The following RPS6KB1 variants were observed in gnomAD, a reference collection of about 807,000 sequenced individuals.
The protein encoded by RPS6KB1 is ribosomal protein S6 kinase beta-1.
RPS6KB1 carries 12 observed loss-of-function variants against 70.2 expected under a neutral mutation model. That is an observed-to-expected ratio of 0.17 (90% CI 0.11 to 0.28). The LOEUF is 0.28. Ranked by LOEUF, RPS6KB1 falls within the 10% of genes least tolerant of loss-of-function variation. RPS6KB1 has a pLI of 1.00. For synonymous variants in RPS6KB1, 175 were observed against 211.2 expected, an observed-to-expected ratio of 0.83 and a Z score of 1.49; for missense variants, 270 against 646.6, an observed-to-expected ratio of 0.42 and a Z score of 6.32.
chr17:59,914,826 C>G (rs2042845717), intron 4 of RPS6KB1, 123 bp downstream of exon 4: 2 of 800,774 alleles, frequency 2.5e-6, no homozygotes, highest in Non-Finnish European at 4.0e-6. Flanking sequence ...CTAAAATTTG[C>G]AGTCAAAAAA....
intron 4 of RPS6KB1, among the ~76,000 whole-genome samples, chr17:59,920,829 G>T (rs1003054609): frequency 1.3e-5 from 2 of 152,168 alleles, no homozygotes; most frequent in Non-Finnish European, 2.9e-5. Context: ...CTCCCAAATA[G>T]CTGGGACTAC....
chr17:59,928,123 A>G lies in RPS6KB1; in HGVS notation c.529+1541A>G, dbSNP rs76194416. Among the ~76,000 whole-genome samples, 1,325 of 151,372 alleles carry G rather than the reference A, an allele frequency of 8.8e-3. 20 individuals carry two copies. The highest frequency in any genetic ancestry group is 0.031 in the African/African-American group (1,262 of 41,156). ...TGGTGAGCTGAGATCGCGCCAGTAC[A>G]CTGCAACCTGGGCAACAGAGCAAGA... On this transcript the variant is annotated intron_variant, in intron 5 of 14. Transcript: ENST00000225577.
chr17:59,943,873 C>CAA (rs61529575), intron 13 of RPS6KB1, among the ~76,000 whole-genome samples: 1 of 99,232 alleles, frequency 1.0e-5, no homozygotes, highest in African/African-American at 3.8e-5. Flanking sequence ...GAATCCATCT[C>CAA]AAAAAAAAAA....
At position 59,948,588 on chromosome 17, in the gene RPS6KB1, G is replaced by A. The variant is rs2045054615; in HGVS notation, c.*1800G>A. 6.6e-6 allele frequency: 1 copy of A among 152,352 alleles called. No homozygotes were observed. Among genetic ancestry groups the A allele is most frequent in the African/African-American group, 2.4e-5 (1 of 41,366 alleles). 9.4% of individuals were successfully genotyped at this position (152,352 alleles called of 1,614,324 possible). The stretch of plus-strand genomic sequence containing the variant: ...AAAAACAGAACCATGAAAAATGATT[G>A]GACATACACCTTTTCAATTGTGGCA... On this transcript the variant is annotated 3_prime_UTR_variant, in exon 15 of 15. Transcript: ENST00000225577.
In RPS6KB1 at chr17:59,905,508, A is replaced by AT. The variant is rs796408273; in HGVS notation, c.142-5041dup. On this transcript the variant is annotated intron_variant, in intron 1 of 14. Coordinates refer to ENST00000225577, the MANE Select transcript of RPS6KB1 (RefSeq NM_003161.4). The stretch of plus-strand genomic sequence containing the variant: ...TATTTTGTTGTTAAGTTTTGGGAGG[A>AT]TTTTTTTTTTTTTGAGACGGAGTTT... 2.0e-3 allele frequency among the ~76,000 whole-genome samples: 277 copies of AT among 141,114 alleles called. 1 individual carries two copies. The highest frequency in any genetic ancestry group is 3.8e-3 in the Middle Eastern group (1 of 266). 92.6% of individuals were successfully genotyped at this position (141,114 alleles called of 152,430 possible). A position where few individuals can be genotyped will look rare whatever the true frequency, so the allele number is the denominator to read the frequency against.
intron 1 of RPS6KB1, among the ~76,000 whole-genome samples, chr17:59,895,165 C>T (rs930910004): frequency 2.1e-4 from 31 of 146,966 alleles, no homozygotes; most frequent in African/African-American, 5.1e-4. Flanking sequence ...GGACTACAGG[C>T]GCGTGCCACC....
chr17:59,904,097 T>TATTTATTC (rs71145589), intron 1 of RPS6KB1, among the ~76,000 whole-genome samples: 5 of 151,502 alleles, frequency 3.3e-5, no homozygotes, highest in Non-Finnish European at 7.4e-5. Context: ...TTTATTTATT[T>TATTTATTC]TGAGATGGAG....
intron 6 of RPS6KB1, 66 bp downstream of exon 6, chr17:59,930,240 G>A: frequency 1.1e-6 from 1 of 888,162 alleles, no homozygotes; most frequent in Non-Finnish European, 1.9e-6. Flanking sequence ...TCCCACTATG[G>A]GCAGCCACAT....
chr17:59,907,744 G>T (rs2042356455), intron 1 of RPS6KB1, among the ~76,000 whole-genome samples: 1 of 152,000 alleles, frequency 6.6e-6, no homozygotes, highest in African/African-American at 2.4e-5. Flanking sequence ...ATCTTACTGT[G>T]TTGGCCAGGC....
chr17:59,912,433 A>G (rs1416185040), intron 2 of RPS6KB1: 4 of 355,218 alleles, frequency 1.1e-5, no homozygotes, highest in Non-Finnish European at 2.1e-5. Context: ...CCCTTTATGC[A>G]TAAAATAAAC....
Position 59,893,683 on chromosome 17 carries a change from C to A in RPS6KB1, c.141+358C>A. On this transcript the variant is annotated intron_variant, in intron 1 of 14. Transcript: ENST00000225577. The surrounding 1 kb of genome is among the most constrained non-coding windows in gnomAD (Gnocchi z 4.1). Reference sequence around the variant, plus strand: ...ACGGGGGCTGCTCTTGCTGGGTGTCCCGTAAGTGCAGGCGAAGTGTGGAGG... The same window carrying A: ...ACGGGGGCTGCTCTTGCTGGGTGTCACGTAAGTGCAGGCGAAGTGTGGAGG... 1.4e-6 allele frequency: 1 copy of A among 732,582 alleles called. No individual in the cohort carries two copies. The highest frequency in any genetic ancestry group is 1.7e-6 in the Non-Finnish European group (1 of 579,478). 45.4% of individuals were successfully genotyped at this position (732,582 alleles called of 1,614,324 possible). A position where few individuals can be genotyped will look rare whatever the true frequency, so the allele number is the denominator to read the frequency against.
intron 7 of RPS6KB1, among the ~76,000 whole-genome samples, chr17:59,933,332 A>G (rs989237916): frequency 1.2e-4 from 15 of 128,592 alleles, no homozygotes; most frequent in Non-Finnish European, 8.2e-5. Context: ...TATAAGTCAC[A>G]GGATAGAATA....
intron 1 of RPS6KB1, among the ~76,000 whole-genome samples, chr17:59,903,603 A>G (rs2042090940): frequency 6.6e-6 from 1 of 152,152 alleles, no homozygotes; most frequent in South Asian, 2.1e-4. Context: ...TAGTAAGTCT[A>G]TGTTTAATTT....
Position 59,893,338 on chromosome 17 carries a change from G to A in RPS6KB1, c.141+13G>A, listed in dbSNP as rs753907254. ...GCTGGAGGAGGGGGTGAGGCCCGGG[G>A]TCCCCGGGGGCCCGAGGTGACAGGG... On this transcript the variant is annotated intron_variant, in intron 1 of 14. Transcript: ENST00000225577. The surrounding 1 kb of genome is among the most constrained non-coding windows in gnomAD (Gnocchi z 4.1). 2.2e-5 allele frequency: 35 copies of A among 1,592,878 alleles called. No homozygotes were observed. In the South Asian group the frequency reaches 3.4e-4, roughly 15 times the overall value.
intron 14 of RPS6KB1, among the ~76,000 whole-genome samples, chr17:59,945,779 C>G (rs968030932): frequency 3.9e-5 from 6 of 152,110 alleles, no homozygotes; most frequent in Non-Finnish European, 5.9e-5. Context: ...TTATTGTGCA[C>G]CAAGAGCACC....
intron 13 of RPS6KB1, 110 bp downstream of exon 13, chr17:59,941,053 C>CTTTT: frequency 2.7e-5 from 13 of 474,034 alleles, no homozygotes; most frequent in African/African-American, 4.2e-5. Context: ...ACCTGGCCCA[C>CTTTT]TTTTTTTTTT....
rs1445839180 is a variant in RPS6KB1 at position 59,910,570 on chromosome 17, A to T, written c.150A>T (p.Leu50Phe). 1 of 1,586,278 alleles carries T rather than the reference A, an allele frequency of 6.3e-7. No individual in the cohort carries two copies. Among genetic ancestry groups the T allele is most frequent in the African/African-American group, 1.3e-5 (1 of 74,108 alleles). ...SEDELEEGGQ[L>F]NESMDHGGVG... ...TTTAACATATTTTTCAGGGTCAGTT[A>T]AATGAAAGCATGGACCATGGGGGAG... The change falls in exon 2 of 15, where the codon TTA becomes TTT. Residue 50 changes from leucine (L) to phenylalanine (F), a missense_variant. Leu to Phe is a conservative substitution (Grantham distance 22, BLOSUM62 0). This residue lies in a region of RPS6KB1 where 72 missense variants were observed against 93.4 expected (regional missense o/e 0.77). Coordinates refer to ENST00000225577, the MANE Select transcript of RPS6KB1 (RefSeq NM_003161.4).
intron 1 of RPS6KB1, among the ~76,000 whole-genome samples, chr17:59,895,657 G>T (rs957951080): frequency 2.0e-5 from 3 of 149,946 alleles, no homozygotes; most frequent in African/African-American, 4.9e-5. Flanking sequence ...TTTTGAGATG[G>T]AGTCTCACTG....
chr17:59,938,699 T>TTGTGTGTGTGTGTGTG lies in RPS6KB1; in HGVS notation c.1120-2107_1120-2092dup, dbSNP rs58751297. Among the ~76,000 whole-genome samples the TTGTGTGTGTGTGTGTG allele has an allele frequency of 3.6e-4, 50 of 138,164 alleles. 1 individual carries two copies. Among genetic ancestry groups the TTGTGTGTGTGTGTGTG allele is most frequent in the Non-Finnish European group, 5.8e-4 (37 of 64,236 alleles). 90.6% of individuals were successfully genotyped at this position (138,164 alleles called of 152,430 possible). A position where few individuals can be genotyped will look rare whatever the true frequency, so the allele number is the denominator to read the frequency against. ...TTGATCAGGAGGCATAATGTGTAGTTTGTGTGTGTGTGTGTGTGTGTGTGT... is the reference window on the plus strand; with the variant it reads ...TTGATCAGGAGGCATAATGTGTAGTTTGTGTGTGTGTGTGTGTGTGTGTGTGTGTGTGTGTGTGTGT... On this transcript the variant is annotated intron_variant, in intron 12 of 14. Coordinates refer to ENST00000225577, the MANE Select transcript of RPS6KB1 (RefSeq NM_003161.4).
Sources: gnomAD v4.1 joint callset for allele counts (sites outside exome capture counted in the v4.1 genomes callset) on GRCh38, gnomAD v4.1.1 for gene constraint, gnomAD v4.1.1 regional missense constraint, Gnocchi (gnomAD v3.1) non-coding constraint, MANE v1.5 for transcripts, NCBI Gene and HGNC (gene_info 2026-07-23, HGNC 2026-07-21) for gene names.